The following NOL4L variants were observed in gnomAD, a reference collection of about 807,000 sequenced individuals.
NOL4L encodes nucleolar protein 4-like.
A neutral mutation model predicts 64.5 loss-of-function variants in NOL4L; 7 were observed. The observed-to-expected ratio is 0.11, with a 90% CI of 0.06 to 0.20. The LOEUF (loss-of-function observed/expected upper bound fraction) is 0.20, where lower values mean the gene tolerates loss of function less well. Ranked by LOEUF, NOL4L falls within the 10% of genes least tolerant of loss-of-function variation. The pLI, the probability that NOL4L is intolerant of heterozygous loss-of-function variation, is 1.00. For synonymous variants in NOL4L, 413 were observed against 401.0 expected (o/e 1.03, Z -0.36); for missense variants, 680 against 967.1 (o/e 0.70, Z 3.94).
At chr20:32,459,575 C>A (rs540893270) in intron 5 of NOL4L, among the ~76,000 whole-genome samples, 10 of 151,840 alleles carry the variant, frequency 6.6e-5, no homozygotes, top group Non-Finnish European at 1.3e-4. Context: ...AGTGGAGACA[C>A]GGTTTCACTA....
chr20:32,482,910 C>T (rs890470261), intron 4 of NOL4L, among the ~76,000 whole-genome samples: 1 of 151,620 alleles, frequency 6.6e-6, no homozygotes, highest in Non-Finnish European at 1.5e-5. Context: ...GAACGCCTCC[C>T]TCGCCGGGAC....
At chr20:32,480,695 CTTCAG>C (rs1467718014) in intron 4 of NOL4L, among the ~76,000 whole-genome samples, 1 of 152,236 alleles carries the variant, frequency 6.6e-6, no homozygotes, top group Non-Finnish European at 1.5e-5. Context: ...AACTTAACCA[CTTCAG>C]TTCATCAGAT....
At position 32,452,161 on chromosome 20, in the gene NOL4L, C is replaced by T. The variant is rs768084876; in HGVS notation, c.1822+75G>A. 47 of 1,333,372 alleles carry T rather than the reference C, an allele frequency of 3.5e-5. No individual in the cohort carries two copies. The East Asian group carries it at 6.6e-4, about 19-fold the overall frequency. 82.6% of individuals were successfully genotyped at this position (1,333,372 alleles called of 1,614,324 possible). ...GGCCTCTGCTTCCCTCTCCCCATTC[C>T]GCTGCCCAGGGCTGCTCTGCAGACC... On this transcript the variant is annotated intron_variant, in intron 10 of 10. Coordinates refer to ENST00000621426, the MANE Select transcript of NOL4L (RefSeq NM_001256798.2).
intron 4 of NOL4L, among the ~76,000 whole-genome samples, chr20:32,509,517 CAAAAAAAAAAAAA>C (rs71338441): frequency 1.9e-4 from 12 of 62,844 alleles, no homozygotes; most frequent in South Asian, 1.3e-3. Flanking sequence ...GACTCTGCCT[CAAAAAAAAAAAAA>C]AAAAAAAAAA....
At chr20:32,477,964 C>G (rs1349805635) in intron 4 of NOL4L, among the ~76,000 whole-genome samples, 1 of 152,230 alleles carries the variant, frequency 6.6e-6, no homozygotes, top group Admixed American at 6.5e-5. Flanking sequence ...CTCCCATGAC[C>G]CCATAACACA....
At chr20:32,558,709 C>T (rs563228172) in intron 1 of NOL4L, among the ~76,000 whole-genome samples, 2 of 152,294 alleles carry the variant, frequency 1.3e-5, no homozygotes, top group East Asian at 1.9e-4. Context: ...AGAGGGTCAG[C>T]GGTGCTGGGC....
At chr20:32,553,859 T>A (rs1051787076) in intron 1 of NOL4L, among the ~76,000 whole-genome samples, 16 of 152,080 alleles carry the variant, frequency 1.1e-4, no homozygotes, top group Admixed American at 3.3e-4. Context: ...TAAAAAGAAG[T>A]ATGAGTTAAT....
chr20:32,456,141 A>T lies in NOL4L; in HGVS notation c.1096T>A (p.Tyr366Asn), dbSNP rs776176596. Residue 366 changes from tyrosine (Y) to asparagine (N), a missense_variant, in exon 6 of 11, where the codon TAC (tyrosine) becomes AAC (asparagine). This residue lies in a region of NOL4L where 254 missense variants were observed against 238.7 expected (regional missense o/e 1.06). Coordinates refer to ENST00000621426, the MANE Select transcript of NOL4L (RefSeq NM_001256798.2). ...GADGLRSRVK[Y>N]GVKTTPESPP... ...ACCTCGGGGGTGGTCTTCACCCCGTATTTGACGCGGCTCCGCAGCCCGTCG... is the reference window on the plus strand; with the variant it reads ...ACCTCGGGGGTGGTCTTCACCCCGTTTTTGACGCGGCTCCGCAGCCCGTCG... 2.4e-5 allele frequency: 37 copies of T among 1,551,128 alleles called. No homozygotes were observed. Among genetic ancestry groups the T allele is most frequent in the Non-Finnish European group, 3.1e-5 (36 of 1,145,756 alleles).
intron 5 of NOL4L, 101 bp from the exon 6 acceptor site, chr20:32,456,496 G>A (rs546215766): frequency 8.2e-7 from 1 of 1,219,284 alleles, no homozygotes; most frequent in South Asian, 2.5e-5. Context: ...GAGTGTCCCT[G>A]GGTTGGGGTG....
At chr20:32,480,396 G>A (rs1005524539) in intron 4 of NOL4L, among the ~76,000 whole-genome samples, 1 of 152,204 alleles carries the variant, frequency 6.6e-6, no homozygotes, top group Non-Finnish European at 1.5e-5. Context: ...GGGCCAAGCA[G>A]GAAAGAGACC....
In NOL4L at chr20:32,474,593, G is replaced by A. The variant is rs771836513; in HGVS notation, c.841+8C>T. ...GCCCCTCCTCAACTGCCACCAAGGGGCACTCACCGTCCTCTTGACTGTGGA... is the reference window on the plus strand; with the variant it reads ...GCCCCTCCTCAACTGCCACCAAGGGACACTCACCGTCCTCTTGACTGTGGA... On this transcript the variant is annotated splice_region_variant and intron_variant, in intron 5 of 10. Transcript: ENST00000621426. 1 of 1,606,494 alleles carries A rather than the reference G, an allele frequency of 6.2e-7. No homozygotes were observed. Among genetic ancestry groups the A allele is most frequent in the Admixed American group, 1.7e-5 (1 of 59,672 alleles).
chr20:32,493,460 G>A (rs991567685), intron 4 of NOL4L, among the ~76,000 whole-genome samples: 2 of 152,066 alleles, frequency 1.3e-5, no homozygotes, highest in African/African-American at 4.8e-5. Flanking sequence ...CTGCGGACAC[G>A]CTCTGTTTGC....
At chr20:32,526,363 C>T (rs139055118) in intron 2 of NOL4L, among the ~76,000 whole-genome samples, 2 of 152,096 alleles carry the variant, frequency 1.3e-5, no homozygotes, top group Non-Finnish European at 2.9e-5. Flanking sequence ...GCAGGAGGGG[C>T]GGGGAGACCA....
chr20:32,535,973 G>T, intron 1 of NOL4L: 1 of 985,634 alleles, frequency 1.0e-6, no homozygotes, highest in Non-Finnish European at 1.2e-6. Context: ...ACAGGAGGGT[G>T]CTGTAGAGGT....
chr20:32,554,202 T>A (rs1187949578), intron 1 of NOL4L, among the ~76,000 whole-genome samples: 1 of 150,710 alleles, frequency 6.6e-6, no homozygotes, highest in Non-Finnish European at 1.5e-5. Context: ...GTGCCTGTAG[T>A]CCCAGCTACT....
At chr20:32,474,005 A>C (rs571747532) in intron 5 of NOL4L, among the ~76,000 whole-genome samples, 1 of 152,276 alleles carries the variant, frequency 6.6e-6, no homozygotes, top group South Asian at 2.1e-4. Flanking sequence ...CTAACTCTCC[A>C]ACCCCTGAGA....
chr20:32,500,534 CTTTCTTT>C (rs2016880449), intron 4 of NOL4L, among the ~76,000 whole-genome samples: 1 of 109,224 alleles, frequency 9.2e-6, no homozygotes, highest in Admixed American at 1.0e-4. Context: ...TTTTGTATTT[CTTTCTTT>C]TTTTTTTTTT....
chr20:32,541,598 T>TC (rs1310418659), intron 1 of NOL4L, among the ~76,000 whole-genome samples: 2 of 152,148 alleles, frequency 1.3e-5, no homozygotes, highest in African/African-American at 4.8e-5. Context: ...GCAGGGTCCA[T>TC]CGGCCCGGGC....
intron 4 of NOL4L, among the ~76,000 whole-genome samples, chr20:32,500,498 C>T (rs1160614217): frequency 4.1e-5 from 6 of 145,418 alleles, no homozygotes; most frequent in Non-Finnish European, 7.8e-5. Flanking sequence ...GGAGTACAGG[C>T]GCCTGCCACC....
Sources: gnomAD v4.1 joint callset for allele counts (sites outside exome capture counted in the v4.1 genomes callset) on GRCh38, gnomAD v4.1.1 for gene constraint, gnomAD v4.1.1 regional missense constraint, MANE v1.5 for transcripts, NCBI Gene and HGNC (gene_info 2026-07-23, HGNC 2026-07-21) for gene names.